Variants in ACAP2 observed in about 807,000 individuals in gnomAD.
ACAP2 encodes the protein ArfGAP with coiled-coil, ankyrin repeat and PH domains 2.
A neutral mutation model predicts 115.8 loss-of-function variants in ACAP2; 39 were observed. That is an observed-to-expected ratio of 0.34 (90% confidence interval 0.26 to 0.44). ACAP2 has a LOEUF of 0.44. Ranked by LOEUF, ACAP2 falls within the 20% of genes least tolerant of loss-of-function variation. ACAP2 has a pLI of 1.00. For missense variants in ACAP2, 662 were observed against 927.6 expected, an observed-to-expected ratio of 0.71 and a Z score of 3.72; for synonymous variants, 289 against 315.8, an observed-to-expected ratio of 0.92 and a Z score of 0.90.
At chr3:195,386,876 A>G (rs1025819132) in intron 2 of ACAP2, among the ~76,000 whole-genome samples, 1 of 152,176 alleles carries the variant, frequency 6.6e-6, no homozygotes, top group Non-Finnish European at 1.5e-5. Context: ...GAACAAAAGC[A>G]GTAATGAGGC....
chr3:195,338,921 A>G (rs1013227428), intron 6 of ACAP2, among the ~76,000 whole-genome samples: 1 of 151,994 alleles, frequency 6.6e-6, no homozygotes, highest in African/African-American at 2.4e-5. Context: ...AATCTAAGTA[A>G]CTTTACTTAA....
intron 4 of ACAP2, chr3:195,349,885 A>G: frequency 3.5e-6 from 1 of 283,886 alleles, no homozygotes; most frequent in South Asian, 3.6e-5. Flanking sequence ...CAAAGGAACA[A>G]GCAATATCTC....
intron 10 of ACAP2, among the ~76,000 whole-genome samples, chr3:195,319,088 T>A (rs1168509549): frequency 6.6e-6 from 1 of 152,226 alleles, no homozygotes; most frequent in Non-Finnish European, 1.5e-5. Flanking sequence ...GGGCCACTGC[T>A]TCAGAGTGGG....
intron 1 of ACAP2, among the ~76,000 whole-genome samples, chr3:195,395,980 G>A (rs766020568): frequency 4.6e-5 from 7 of 152,292 alleles, no homozygotes; most frequent in Non-Finnish European, 1.0e-4. Context: ...GCTGGGTGTG[G>A]TGGCTCATGC....
In ACAP2 at chr3:195,383,289, T is replaced by C. The variant is rs74288801; in HGVS notation, c.112-1267A>G. Among the ~76,000 whole-genome samples, 112 of 151,736 alleles carry C rather than the reference T, an allele frequency of 7.4e-4. 2 individuals are homozygous for C. In the East Asian group the frequency reaches 0.011, roughly 15 times the overall value. ...TACTATATGATATTAAAATATATTA[T>C]AAAAAGATAGTAAATAAAAGTCTGG... On this transcript the variant is annotated intron_variant, in intron 2 of 22. Coordinates refer to ENST00000326793, the MANE Select transcript of ACAP2 (RefSeq NM_012287.6).
intron 9 of ACAP2, chr3:195,326,649 T>G: frequency 2.4e-6 from 1 of 425,088 alleles, no homozygotes; most frequent in South Asian, 3.3e-5. Flanking sequence ...CCTAAGAGAT[T>G]CAAATTTTTA....
intron 20 of ACAP2, among the ~76,000 whole-genome samples, chr3:195,290,842 A>C (rs1223054159): frequency 8.0e-6 from 1 of 124,626 alleles, no homozygotes; most frequent in East Asian, 2.7e-4. Context: ...ATAAATAAAT[A>C]AATAAATAAT....
chr3:195,325,933 G>C (rs1017242624), intron 9 of ACAP2, among the ~76,000 whole-genome samples: 1 of 152,120 alleles, frequency 6.6e-6, no homozygotes, highest in African/African-American at 2.4e-5. Flanking sequence ...ACACTAACTA[G>C]AAAGTAACTA....
intron 10 of ACAP2, among the ~76,000 whole-genome samples, chr3:195,317,538 T>C (rs1350819961): frequency 6.6e-6 from 1 of 152,188 alleles, no homozygotes; most frequent in East Asian, 1.9e-4. Flanking sequence ...TAATCACTGA[T>C]ACCCAGAAGA....
At chr3:195,440,666 CTTAT>C (rs1715923660) in intron 1 of ACAP2, among the ~76,000 whole-genome samples, 1 of 152,196 alleles carries the variant, frequency 6.6e-6, no homozygotes, top group South Asian at 2.1e-4. Flanking sequence ...TAAAGCTCTT[CTTAT>C]ACATACAACA....
At chr3:195,318,504 T>G (rs992858107) in intron 10 of ACAP2, among the ~76,000 whole-genome samples, 2 of 152,218 alleles carry the variant, frequency 1.3e-5, no homozygotes, top group African/African-American at 4.8e-5. Context: ...GAAGAACTTA[T>G]TGGGAACTGG....
At chr3:195,351,129 T>TTTTTTTGGG (rs75945777) in intron 4 of ACAP2, among the ~76,000 whole-genome samples, 1 of 131,862 alleles carries the variant, frequency 7.6e-6, no homozygotes, top group Non-Finnish European at 1.6e-5. Context: ...TTTTTTTTTT[T>TTTTTTTGGG]GGGCGGGGGA....
At chr3:195,338,628 A>C (rs888289057) in intron 6 of ACAP2, among the ~76,000 whole-genome samples, 4 of 152,186 alleles carry the variant, frequency 2.6e-5, no homozygotes. Context: ...GCCAGATTTT[A>C]AGTAAATGTT....
At chr3:195,282,667 C>G (rs1726583317) in intron 22 of ACAP2, 2 of 152,158 alleles carry the variant, frequency 1.3e-5, no homozygotes, top group African/African-American at 4.8e-5. Context: ...ATGGAATGTT[C>G]CCAGAAATAC....
chr3:195,434,725 T>C (rs1424660269), intron 1 of ACAP2, among the ~76,000 whole-genome samples: 1 of 152,252 alleles, frequency 6.6e-6, no homozygotes, highest in African/African-American at 2.4e-5. Context: ...TCTTGGCCAG[T>C]GCTTTTCTTT....
intron 6 of ACAP2, among the ~76,000 whole-genome samples, chr3:195,342,175 A>C (rs1373766969): frequency 2.0e-5 from 3 of 152,214 alleles, no homozygotes; most frequent in Non-Finnish European, 4.4e-5. Context: ...AAGATAGTTA[A>C]ATTGACATAA....
At chr3:195,408,039 C>T (rs1271456748) in intron 1 of ACAP2, among the ~76,000 whole-genome samples, 2 of 152,060 alleles carry the variant, frequency 1.3e-5, no homozygotes, top group Admixed American at 6.6e-5. Context: ...TGCCAACAAA[C>T]CGGACAAGCT....
chr3:195,300,427 C>T (rs573923624), intron 15 of ACAP2, among the ~76,000 whole-genome samples: 73 of 152,228 alleles, frequency 4.8e-4, no homozygotes, highest in Admixed American at 1.2e-3. Flanking sequence ...AACTAGATGG[C>T]AGGAATTAAA....
intron 4 of ACAP2, among the ~76,000 whole-genome samples, chr3:195,367,863 T>A (rs979453974): frequency 6.6e-6 from 1 of 152,114 alleles, no homozygotes; most frequent in Admixed American, 6.6e-5. Context: ...ACATGCTGAA[T>A]CCTTCAGCCA....
Sources: allele counts gnomAD v4.1 joint callset (sites outside exome capture counted in the v4.1 genomes callset), GRCh38; gene constraint gnomAD v4.1.1; transcripts MANE v1.5; gene names NCBI Gene and HGNC (gene_info 2026-07-23, HGNC 2026-07-21).